The following PEBP4 variants were observed in gnomAD, a reference collection of about 807,000 sequenced individuals.
PEBP4 encodes phosphatidylethanolamine-binding protein 4.
In PEBP4, 22 loss-of-function variants were observed where a neutral mutation model predicts 23.9. The ratio of observed to expected loss-of-function variants is 0.92; its 90% CI spans 0.66 to 1.31. The LOEUF is 1.31. Among genes scored for constraint, PEBP4 ranks in the 40% most tolerant of loss-of-function variants. The pLI is 0.00. For missense variants in PEBP4, 324 were observed against 281.7 expected, an observed-to-expected ratio of 1.15 and a Z score of -1.07; for synonymous variants, 112 against 99.3, an observed-to-expected ratio of 1.13 and a Z score of -0.76.
At chr8:22,840,145 A>T (rs1807292837) in intron 3 of PEBP4, among the ~76,000 whole-genome samples, 1 of 152,220 alleles carries the variant, frequency 6.6e-6, no homozygotes, top group Non-Finnish European at 1.5e-5. Flanking sequence ...AATCAGATGA[A>T]TTATATCTAA....
At chr8:22,751,782 C>T (rs1182724440) in intron 4 of PEBP4, among the ~76,000 whole-genome samples, 11 of 152,178 alleles carry the variant, frequency 7.2e-5, no homozygotes, top group Admixed American at 7.2e-4. Flanking sequence ...CCTCAGAGGC[C>T]CCAGATGTGG....
chr8:22,905,515 C>T (rs1307542131), intron 3 of PEBP4, among the ~76,000 whole-genome samples: 1 of 152,206 alleles, frequency 6.6e-6, no homozygotes, highest in Non-Finnish European at 1.5e-5. Flanking sequence ...CAGACCTTTT[C>T]TCTCCTGAGA....
intron 4 of PEBP4, among the ~76,000 whole-genome samples, chr8:22,733,348 CCCCG>C (rs1804779720): frequency 2.0e-5 from 3 of 152,192 alleles, no homozygotes; most frequent in Admixed American, 2.0e-4. Context: ...CTTTGGGTGT[CCCCG>C]TAGGGACAGA....
intron 3 of PEBP4, among the ~76,000 whole-genome samples, chr8:22,841,767 T>C (rs1236345826): frequency 6.6e-6 from 1 of 152,254 alleles, no homozygotes; most frequent in African/African-American, 2.4e-5. Context: ...CTACAGACTG[T>C]TCCCTAAAGA....
chr8:22,765,201 T>A (rs1805587225), intron 4 of PEBP4, among the ~76,000 whole-genome samples: 1 of 151,534 alleles, frequency 6.6e-6, no homozygotes, highest in African/African-American at 2.4e-5. Context: ...AGGAGAGCAA[T>A]GGTGCAATCT....
intron 3 of PEBP4, among the ~76,000 whole-genome samples, chr8:22,867,350 G>A (rs989792328): frequency 2.0e-5 from 3 of 152,090 alleles, no homozygotes; most frequent in African/African-American, 7.2e-5. Context: ...AATCGGGCCC[G>A]CTTCATAACT....
chr8:22,902,226 G>A (rs1450643437), intron 3 of PEBP4, among the ~76,000 whole-genome samples: 1 of 152,204 alleles, frequency 6.6e-6, no homozygotes, highest in African/African-American at 2.4e-5. Context: ...CTACTTAGGA[G>A]GCTGAGGCAG....
At chr8:22,913,803 C>A (rs1352648577) in intron 3 of PEBP4, among the ~76,000 whole-genome samples, 1 of 152,172 alleles carries the variant, frequency 6.6e-6, no homozygotes, top group East Asian at 1.9e-4. Context: ...TTGGCTCCTT[C>A]CTGCCAGAAT....
At chr8:22,860,210 ATATATG>A (rs1315683806) in intron 3 of PEBP4, among the ~76,000 whole-genome samples, 35 of 139,650 alleles carry the variant, frequency 2.5e-4, no homozygotes, top group African/African-American at 8.7e-4. Flanking sequence ...ATATATACAC[ATATATG>A]TATATATATA....
At chr8:22,926,393 G>A (rs1236617875) in intron 2 of PEBP4, among the ~76,000 whole-genome samples, 1 of 150,660 alleles carries the variant, frequency 6.6e-6, no homozygotes, top group Non-Finnish European at 1.5e-5. Flanking sequence ...TGCCCAGGCT[G>A]GAATGCAGTG....
At chr8:22,749,398 C>A (rs1483426427) in intron 4 of PEBP4, among the ~76,000 whole-genome samples, 2 of 152,204 alleles carry the variant, frequency 1.3e-5, no homozygotes, top group Non-Finnish European at 2.9e-5. Flanking sequence ...AGGAGCACAA[C>A]TGTCTTCCCG....
In PEBP4 at chr8:22,860,955, C is replaced by T. The variant is rs572030448; in HGVS notation, c.259-43220G>A. Among the ~76,000 whole-genome samples, 24 of 152,262 alleles carry T rather than the reference C, an allele frequency of 1.6e-4. 2 individuals carry two copies. The South Asian group carries it at 4.2e-3, about 26-fold the overall frequency. On this transcript the variant is annotated intron_variant, in intron 3 of 6. Transcript: ENST00000256404. Reference sequence around the variant, plus strand: ...TCTCATTTGTAAGCTCTTGAGGACCCGGGCCACATCTGATCTCAGTATCCC... The same window carrying T: ...TCTCATTTGTAAGCTCTTGAGGACCTGGGCCACATCTGATCTCAGTATCCC...
chr8:22,920,148 C>G (rs759263560), intron 3 of PEBP4, 36 bp downstream of exon 3: 26 of 1,591,834 alleles, frequency 1.6e-5, no homozygotes, highest in Non-Finnish European at 2.1e-5. Flanking sequence ...AGACCCCCAA[C>G]TGTCCCCCCG....
intron 3 of PEBP4, among the ~76,000 whole-genome samples, chr8:22,859,672 A>G (rs1807723848): frequency 6.6e-6 from 1 of 152,042 alleles, no homozygotes; most frequent in Non-Finnish European, 1.5e-5. Context: ...TTTAAACTCC[A>G]CACTCCCTGA....
chr8:22,742,611 A>G (rs1805020833), intron 4 of PEBP4, among the ~76,000 whole-genome samples: 1 of 152,138 alleles, frequency 6.6e-6, no homozygotes, highest in Non-Finnish European at 1.5e-5. Context: ...ATGTGAAGGG[A>G]TTAAATTTAG....
intron 2 of PEBP4, among the ~76,000 whole-genome samples, chr8:22,921,557 C>T (rs78724327): frequency 0.032 from 4,920 of 152,300 alleles, 288 homozygotes; most frequent in African/African-American, 0.11. Context: ...GAAGTCCAGC[C>T]TTGGGCAAAA....
chr8:22,760,233 T>C (rs1805479203), intron 4 of PEBP4, among the ~76,000 whole-genome samples: 1 of 152,170 alleles, frequency 6.6e-6, no homozygotes, highest in African/African-American at 2.4e-5. Flanking sequence ...TTAAATCACC[T>C]GCCCAAGGTC....
chr8:22,732,456 G>A lies in PEBP4; in HGVS notation c.358-5236C>T, dbSNP rs535323545. Among the ~76,000 whole-genome samples the A allele has an allele frequency of 2.8e-3, 422 of 152,198 alleles. 1 individual carries two copies. The highest frequency in any genetic ancestry group is 9.6e-3 in the African/African-American group (400 of 41,500). On this transcript the variant is annotated intron_variant, in intron 4 of 6. Coordinates refer to ENST00000256404, the MANE Select transcript of PEBP4 (RefSeq NM_144962.3). ...ATCAGGATAAATAGCTAACGCACACGGAACTTAATACCTAGGTTATGGGTC... is the reference window on the plus strand; with the variant it reads ...ATCAGGATAAATAGCTAACGCACACAGAACTTAATACCTAGGTTATGGGTC...
At chr8:22,714,360 C>T (rs1804370507) in intron 6 of PEBP4, among the ~76,000 whole-genome samples, 1 of 152,082 alleles carries the variant, frequency 6.6e-6, no homozygotes, top group Non-Finnish European at 1.5e-5. Flanking sequence ...GGATGTCAGG[C>T]ACCCTGGGCA....
Sources: allele counts gnomAD v4.1 joint callset (sites outside exome capture counted in the v4.1 genomes callset), GRCh38; gene constraint gnomAD v4.1.1; transcripts MANE v1.5; gene names NCBI Gene and HGNC (gene_info 2026-07-23, HGNC 2026-07-21).